Variants in PARVA observed in about 807,000 individuals in gnomAD.
PARVA encodes parvin alpha, also known as alpha-parvin.
In PARVA, 25 loss-of-function variants were observed where a neutral mutation model predicts 52.6. The ratio of observed to expected loss-of-function variants is 0.48; its 90% CI spans 0.35 to 0.66. The LOEUF is 0.66. Among genes scored for constraint, PARVA ranks in the 30% least tolerant of loss-of-function variants. The pLI is 0.01. For synonymous variants in PARVA, 185 were observed against 179.1 expected (o/e 1.03, Z -0.26); for missense variants, 373 against 450.9 (o/e 0.83, Z 1.56).
chr11:12,384,558 G>A (rs1444514033), intron 1 of PARVA, among the ~76,000 whole-genome samples: 3 of 152,202 alleles, frequency 2.0e-5, no homozygotes, highest in African/African-American at 7.2e-5. Context: ...ATAGAGGGTT[G>A]TGGTCTGAGG....
chr11:12,394,805 C>T (rs953562173), intron 1 of PARVA, among the ~76,000 whole-genome samples: 1 of 152,164 alleles, frequency 6.6e-6, no homozygotes, highest in African/African-American at 2.4e-5. Context: ...TGAAAAGGCC[C>T]TACAGGCTGG....
chr11:12,381,577 G>A (rs890235267), intron 1 of PARVA, among the ~76,000 whole-genome samples: 12 of 152,180 alleles, frequency 7.9e-5, no homozygotes, highest in African/African-American at 2.2e-4. Context: ...AAAAATCTGT[G>A]TATAGTTTTT....
intron 4 of PARVA, among the ~76,000 whole-genome samples, chr11:12,484,309 G>C (rs1392706791): frequency 6.6e-6 from 1 of 152,160 alleles, no homozygotes; most frequent in Non-Finnish European, 1.5e-5. Context: ...TCATTTGACT[G>C]ATCCTTATGT....
At chr11:12,452,321 A>G (rs1940633644) in intron 1 of PARVA, among the ~76,000 whole-genome samples, 1 of 152,184 alleles carries the variant, frequency 6.6e-6, no homozygotes, top group African/African-American at 2.4e-5. Flanking sequence ...GTGCTTAGAA[A>G]AGTGGATGTA....
At chr11:12,442,587 C>T (rs1477585763) in intron 1 of PARVA, among the ~76,000 whole-genome samples, 1 of 151,946 alleles carries the variant, frequency 6.6e-6, no homozygotes, top group East Asian at 1.9e-4. Context: ...AGGTACAAGA[C>T]AAAAAGCCCT....
intron 12 of PARVA, among the ~76,000 whole-genome samples, chr11:12,522,805 G>C (rs1292512310): frequency 6.9e-6 from 1 of 144,802 alleles, no homozygotes; most frequent in Non-Finnish European, 1.5e-5. Flanking sequence ...AAAAAAAACA[G>C]ACAGCTCATG....
chr11:12,399,768 C>G (rs1366439142), intron 1 of PARVA, among the ~76,000 whole-genome samples: 1 of 152,034 alleles, frequency 6.6e-6, no homozygotes, highest in Admixed American at 6.6e-5. Flanking sequence ...TGTATATCTT[C>G]TTTAGTGACT....
intron 4 of PARVA, among the ~76,000 whole-genome samples, chr11:12,493,276 A>T (rs1355489449): frequency 6.6e-6 from 1 of 151,840 alleles, no homozygotes; most frequent in Non-Finnish European, 1.5e-5. Flanking sequence ...GAATCACTTG[A>T]ACCCGGGAGG....
chr11:12,423,440 C>T (rs1228128558), intron 1 of PARVA, among the ~76,000 whole-genome samples: 1 of 150,566 alleles, frequency 6.6e-6, no homozygotes, highest in Non-Finnish European at 1.5e-5. Flanking sequence ...GTCTGCCTTC[C>T]TTGGCCTTCC....
chr11:12,407,354 G>A (rs1296585332), intron 1 of PARVA, among the ~76,000 whole-genome samples: 1 of 152,170 alleles, frequency 6.6e-6, no homozygotes, highest in African/African-American at 2.4e-5. Flanking sequence ...GTTTTCTACT[G>A]TAGGCATCAT....
At chr11:12,496,427 C>CA (rs746733937) in intron 4 of PARVA, 31 bp from the exon 5 acceptor site, 1 of 1,596,018 alleles carries the variant, frequency 6.3e-7, no homozygotes, top group South Asian at 1.1e-5. Context: ...CCCAGCATAA[C>CA]AGCTGTTCTC....
chr11:12,454,664 C>T (rs561973568), intron 1 of PARVA, among the ~76,000 whole-genome samples: 9 of 152,044 alleles, frequency 5.9e-5, no homozygotes, highest in Non-Finnish European at 8.8e-5. Context: ...ACCAATGCAC[C>T]CAGCAGCCAA....
intron 1 of PARVA, among the ~76,000 whole-genome samples, chr11:12,381,187 A>G (rs969899460): frequency 6.6e-6 from 1 of 152,172 alleles, no homozygotes; most frequent in Non-Finnish European, 1.5e-5. Context: ...CTGGATCTCA[A>G]TGATCAGTGC....
At chr11:12,455,434 A>T (rs1940682152) in intron 1 of PARVA, among the ~76,000 whole-genome samples, 1 of 152,112 alleles carries the variant, frequency 6.6e-6, no homozygotes, top group Non-Finnish European at 1.5e-5. Context: ...AATGTGTTAT[A>T]TATTGTTTTT....
chr11:12,479,232 C>G (rs1202319729), intron 4 of PARVA: 1 of 152,170 alleles, frequency 6.6e-6, no homozygotes, highest in Non-Finnish European at 1.5e-5. Flanking sequence ...ACCATTATTG[C>G]TCATCCTTCT....
At chr11:12,485,328 G>C (rs1173070242) in intron 4 of PARVA, among the ~76,000 whole-genome samples, 1 of 152,130 alleles carries the variant, frequency 6.6e-6, no homozygotes, top group African/African-American at 2.4e-5. Context: ...AAGAAAATGA[G>C]ACCCAGCTCC....
At chr11:12,486,145 TAGG>T (rs1205300360) in intron 4 of PARVA, among the ~76,000 whole-genome samples, 1 of 152,118 alleles carries the variant, frequency 6.6e-6, no homozygotes, top group East Asian at 1.9e-4. Flanking sequence ...CTGTTAACAA[TAGG>T]AGGGGAAACT....
intron 4 of PARVA, 79 bp from the exon 5 acceptor site, chr11:12,496,379 A>AGT (rs1484517838): frequency 2.8e-6 from 4 of 1,436,652 alleles, no homozygotes; most frequent in Non-Finnish European, 3.8e-6. Flanking sequence ...TGAGAGACCG[A>AGT]ATAACTGAGT....
intron 1 of PARVA, among the ~76,000 whole-genome samples, chr11:12,413,635 C>A (rs929087302): frequency 1.3e-5 from 2 of 152,360 alleles, no homozygotes; most frequent in East Asian, 3.9e-4. Flanking sequence ...TTTGACCCAG[C>A]TGCACATGAT....
Sources: allele counts gnomAD v4.1 joint callset (sites outside exome capture counted in the v4.1 genomes callset), GRCh38; gene constraint gnomAD v4.1.1; transcripts MANE v1.5; gene names NCBI Gene and HGNC (gene_info 2026-07-23, HGNC 2026-07-21).